Variants in HERC2 observed in about 807,000 individuals in gnomAD.
HERC2 encodes the protein HECT and RLD domain containing E3 ubiquitin protein ligase 2, also known as E3 ubiquitin-protein ligase HERC2.
HERC2 carries 102 observed loss-of-function variants against 537.7 expected under a neutral mutation model. The ratio of observed to expected loss-of-function variants is 0.19; its 90% CI spans 0.16 to 0.22. The LOEUF is 0.22. Ranked by LOEUF, HERC2 falls within the 10% of genes least tolerant of loss-of-function variation. The probability of loss-of-function intolerance (pLI) is 1.00; values close to 1 mark genes in which losing one functional copy is unlikely to be tolerated. For missense variants in HERC2, 4,236 were observed against 6,198.2 expected (o/e 0.68, Z 10.63); for synonymous variants, 2,224 against 2,466.2 (o/e 0.90, Z 2.91).
Position 28,256,149 on chromosome 15 carries a change from C to T in HERC2, c.2686G>A (p.Val896Met), listed in dbSNP as rs748019216. The T allele has an allele frequency of 1.0e-5, 16 of 1,600,846 alleles. 1 individual carries two copies. The highest frequency in any genetic ancestry group is 3.3e-4 in the Middle Eastern group (2 of 6,024). ...CGCTCCTCCGCGGTGGGCAGCAGCA[C>T]GGACCAGCCACTCTGCAGCACGGCC... ...AQAVLQSGWS[V>M]LLPTAEERAR... Residue 896 changes from valine to methionine, a missense_variant, in exon 18 of 93, where the codon GTG (valine) becomes ATG (methionine). Val to Met is a conservative substitution (Grantham distance 21). Transcript: ENST00000261609.
chr15:28,207,996 G>C (rs1898669211), intron 44 of HERC2, among the ~76,000 whole-genome samples: 1 of 152,178 alleles, frequency 6.6e-6, no homozygotes, highest in African/African-American at 2.4e-5. Flanking sequence ...GCACAGACTT[G>C]ATCATCCTGA....
chr15:28,319,657 T>A (rs1209260986), intron 2 of HERC2, among the ~76,000 whole-genome samples: 2 of 150,290 alleles, frequency 1.3e-5, no homozygotes, highest in African/African-American at 4.9e-5. Context: ...GTACTGTGTA[T>A]TAAACTTAAT....
chr15:28,313,892 C>G (rs1349266995), intron 2 of HERC2, among the ~76,000 whole-genome samples: 2 of 152,080 alleles, frequency 1.3e-5, no homozygotes, highest in Non-Finnish European at 2.9e-5. Flanking sequence ...AGAAGCAAAA[C>G]GGAGCTTCTG....
rs527573367 is a variant in HERC2 at position 28,318,238 on chromosome 15, T to C, written c.72+3124A>G. On this transcript the variant is annotated intron_variant, in intron 2 of 92. Coordinates refer to ENST00000261609, the MANE Select transcript of HERC2 (RefSeq NM_004667.6). ...CTTTCACTGTAAAAATAAAAAGTGA[T>C]GTGACTGACACCTCTTAGCTCTGTA... Among the ~76,000 whole-genome samples, 22 of 152,286 alleles carry C rather than the reference T, an allele frequency of 1.4e-4. No individual in the cohort carries two copies. The South Asian group carries it at 1.7e-3, about 12-fold the overall frequency.
chr15:28,114,952 T>C (rs1345228101), intron 89 of HERC2, 150 bp from the exon 90 acceptor site: 2 of 620,274 alleles, frequency 3.2e-6, no homozygotes, highest in African/African-American at 1.8e-5. Flanking sequence ...CACCAAGATA[T>C]AAGAGGAGCA....
intron 44 of HERC2, among the ~76,000 whole-genome samples, chr15:28,207,132 G>A (rs906902521): frequency 2.1e-5 from 3 of 141,092 alleles, no homozygotes; most frequent in African/African-American, 9.3e-5. Flanking sequence ...TCTGCACTTG[G>A]TCTGATTCTT....
At chr15:28,225,696 C>CAAAAAAAAAAAA (rs35629645) in intron 35 of HERC2, among the ~76,000 whole-genome samples, 2 of 58,800 alleles carry the variant, frequency 3.4e-5, no homozygotes, top group East Asian at 3.4e-4. Context: ...GACTCCGTCT[C>CAAAAAAAAAAAA]AAAAAAAAAA....
intron 40 of HERC2, 57 bp from the exon 41 acceptor site, chr15:28,214,329 A>C (rs1899619214): frequency 1.4e-6 from 2 of 1,456,424 alleles, no homozygotes; most frequent in Non-Finnish European, 1.9e-6. Context: ...GGCACAGGGA[A>C]AGGAGACGGC....
At chr15:28,112,933 T>C in intron 92 of HERC2, 138 bp downstream of exon 92, 1 of 682,676 alleles carries the variant, frequency 1.5e-6, no homozygotes, top group Non-Finnish European at 2.4e-6. Context: ...ATCAGAGAAG[T>C]TCGATGTTTT....
At chr15:28,227,166 TC>T (rs1901275777) in intron 35 of HERC2, among the ~76,000 whole-genome samples, 2 of 152,034 alleles carry the variant, frequency 1.3e-5, no homozygotes, top group Non-Finnish European at 2.9e-5. Flanking sequence ...TCCCAGCTAC[TC>T]GGGAGGCTGA....
At chr15:28,157,734 A>C (rs1309391682) in intron 69 of HERC2, among the ~76,000 whole-genome samples, 1 of 152,080 alleles carries the variant, frequency 6.6e-6, no homozygotes, top group Non-Finnish European at 1.5e-5. Context: ...TTGTGTCTCT[A>C]TCTCCTTTAG....
rs1903672650 is a variant in HERC2 at position 28,245,986 on chromosome 15, C to T, written c.3472G>A (p.Val1158Ile). 1 of 1,613,998 alleles carries T rather than the reference C, an allele frequency of 6.2e-7. No individual in the cohort carries two copies. Among genetic ancestry groups the T allele is most frequent in the Non-Finnish European group, 8.5e-7 (1 of 1,179,862 alleles). ...NAGLMQEAGAVPLLGGLLEHL... is the reference protein window; with the variant it reads ...NAGLMQEAGAIPLLGGLLEHL... ...TCCAACAGGCCACCCAGCAGAGGTA[C>T]AGCTCCAGCCTCTTGCATGAGACCA... is the stretch of plus-strand genomic sequence containing the variant. The change falls in exon 23 of 93, where the codon GTA becomes ATA. Residue 1158 changes from valine (V) to isoleucine (I), a missense_variant. Transcript: ENST00000261609.
intron 2 of HERC2, among the ~76,000 whole-genome samples, chr15:28,319,578 G>C (rs75999435): frequency 0.56 from 65,262 of 116,936 alleles, 12,798 homozygotes; most frequent in Non-Finnish European, 0.66. Flanking sequence ...GAGCAAGACT[G>C]CGTCTCAAAA....
intron 79 of HERC2, among the ~76,000 whole-genome samples, chr15:28,134,782 A>G (rs1488236182): frequency 6.7e-6 from 1 of 149,060 alleles, no homozygotes; most frequent in Non-Finnish European, 1.5e-5. Flanking sequence ...GGCTCACTGC[A>G]ACCTCCACCT....
At chr15:28,190,863 T>A in intron 55 of HERC2, 102 bp downstream of exon 55, 1 of 760,584 alleles carries the variant, frequency 1.3e-6, no homozygotes, top group Non-Finnish European at 2.3e-6. Context: ...ACCAATTATT[T>A]AAACGGGGAA....
chr15:28,224,075 A>T (rs1567037111), intron 35 of HERC2, among the ~76,000 whole-genome samples: 1 of 151,886 alleles, frequency 6.6e-6, no homozygotes. Flanking sequence ...TTTCAGCTGT[A>T]ATACACATAT....
intron 88 of HERC2, among the ~76,000 whole-genome samples, chr15:28,116,096 T>C (rs539391126): frequency 6.6e-6 from 1 of 152,316 alleles, no homozygotes; most frequent in African/African-American, 2.4e-5. Flanking sequence ...CCTGCAGCTG[T>C]GCACAGAGCT....
intron 16 of HERC2, among the ~76,000 whole-genome samples, chr15:28,257,966 G>A (rs1447983894): frequency 6.6e-6 from 1 of 151,870 alleles, no homozygotes; most frequent in Admixed American, 6.6e-5. Context: ...TTACAAGCGT[G>A]AGCCACCGCA....
intron 80 of HERC2, 90 bp from the exon 81 acceptor site, chr15:28,132,351 T>C: frequency 8.2e-7 from 1 of 1,222,440 alleles, no homozygotes; most frequent in South Asian, 1.6e-5. Flanking sequence ...TCTTTTTTTA[T>C]GGGGGTACCT....
Sources: allele counts gnomAD v4.1 joint callset (sites outside exome capture counted in the v4.1 genomes callset), GRCh38; gene constraint gnomAD v4.1.1; transcripts MANE v1.5; gene names NCBI Gene and HGNC (gene_info 2026-07-23, HGNC 2026-07-21).